Variants in ST7 observed in about 807,000 individuals in gnomAD.
ST7 encodes the protein suppressor of tumorigenicity 7 protein.
A neutral mutation model predicts 78.7 loss-of-function variants in ST7; 28 were observed. The ratio of observed to expected loss-of-function variants is 0.36; its 90% CI spans 0.26 to 0.49. The LOEUF (loss-of-function observed/expected upper bound fraction) is 0.49, where lower values mean the gene tolerates loss of function less well. ST7 is among the 20% of genes least tolerant of loss of function. The probability of loss-of-function intolerance (pLI) is 0.99; values close to 1 mark genes in which losing one functional copy is unlikely to be tolerated. For missense variants in ST7, 418 were observed against 696.0 expected, an observed-to-expected ratio of 0.60 and a Z score of 4.49; for synonymous variants, 247 against 249.6, an observed-to-expected ratio of 0.99 and a Z score of 0.10.
intron 9 of ST7, among the ~76,000 whole-genome samples, chr7:117,148,362 CT>C (rs1457096231): frequency 1.3e-5 from 2 of 152,116 alleles, no homozygotes; most frequent in African/African-American, 4.8e-5. Flanking sequence ...TTATTGTTGT[CT>C]AAATTTTATA....
chr7:117,008,868 A>G (rs971289430), intron 1 of ST7, among the ~76,000 whole-genome samples: 1 of 152,252 alleles, frequency 6.6e-6, no homozygotes, highest in South Asian at 2.1e-4. Flanking sequence ...TGTGAGATTT[A>G]TAAGCTAACT....
chr7:117,028,487 A>T (rs1273562115), intron 1 of ST7, among the ~76,000 whole-genome samples: 1 of 152,070 alleles, frequency 6.6e-6, no homozygotes, highest in Non-Finnish European at 1.5e-5. Flanking sequence ...TTCTTCTAGA[A>T]CACCTAGTTT....
chr7:117,172,623 C>T (rs1299658169), intron 10 of ST7, among the ~76,000 whole-genome samples: 1 of 152,182 alleles, frequency 6.6e-6, no homozygotes, highest in African/African-American at 2.4e-5. Flanking sequence ...AACAGTGGTC[C>T]AAGCTTAGGG....
At chr7:117,229,566 A>G (rs1793659825) in intron 15 of ST7, among the ~76,000 whole-genome samples, 196 bp from the exon 16 acceptor site, 1 of 152,192 alleles carries the variant, frequency 6.6e-6, no homozygotes, top group South Asian at 2.1e-4. Flanking sequence ...CCCCTTATCT[A>G]ACAGTGCTGG....
intron 12 of ST7, among the ~76,000 whole-genome samples, chr7:117,193,524 C>G (rs577942797): frequency 6.6e-4 from 101 of 152,288 alleles, no homozygotes; most frequent in Non-Finnish European, 1.2e-3. Flanking sequence ...GGTCATACAG[C>G]AAATAAATGA....
chr7:117,216,631 G>C (rs2116119393), intron 13 of ST7, among the ~76,000 whole-genome samples: 1 of 152,282 alleles, frequency 6.6e-6, no homozygotes. Flanking sequence ...GGCTTGTGCA[G>C]TGCCTCTACC....
chr7:117,185,850 G>A (rs1217837872), intron 10 of ST7, among the ~76,000 whole-genome samples: 2 of 152,212 alleles, frequency 1.3e-5, no homozygotes, highest in Admixed American at 1.3e-4. Context: ...TTGAACCCAA[G>A]AGGCGGAGGT....
At chr7:117,104,964 T>C (rs1238358672) in intron 2 of ST7, among the ~76,000 whole-genome samples, 1 of 152,170 alleles carries the variant, frequency 6.6e-6, no homozygotes, top group African/African-American at 2.4e-5. Context: ...ATTGGGGTCT[T>C]GGATCCTGGC....
intron 2 of ST7, among the ~76,000 whole-genome samples, chr7:117,113,913 C>T (rs1802636954): frequency 6.6e-6 from 1 of 152,040 alleles, no homozygotes; most frequent in Non-Finnish European, 1.5e-5. Flanking sequence ...GGAGAGTTAC[C>T]CTCCCTTTTA....
At chr7:117,193,321 T>G (rs1216383433) in intron 12 of ST7, among the ~76,000 whole-genome samples, 2 of 152,190 alleles carry the variant, frequency 1.3e-5, no homozygotes, top group Non-Finnish European at 2.9e-5. Flanking sequence ...ACTCTCTCCT[T>G]ATAATGATAC....
chr7:117,199,035 C>G (rs552547648), intron 12 of ST7: 1 of 152,236 alleles, frequency 6.6e-6, no homozygotes, highest in East Asian at 1.9e-4. Flanking sequence ...TCCTCTTCAG[C>G]CTATAAAAAG....
intron 9 of ST7, among the ~76,000 whole-genome samples, chr7:117,155,815 A>G (rs558339475): frequency 4.7e-4 from 72 of 152,342 alleles, no homozygotes; most frequent in African/African-American, 1.6e-3. Flanking sequence ...AAAGTGGCCT[A>G]CAAGGCTGTC....
intron 1 of ST7, among the ~76,000 whole-genome samples, chr7:117,090,236 AAC>A (rs551150596): frequency 6.4e-5 from 9 of 139,636 alleles, no homozygotes; most frequent in Admixed American, 1.5e-4. Flanking sequence ...TAAGGATAGA[AAC>A]ACACACACAC....
At chr7:117,156,698 A>G (rs1001384373) in intron 9 of ST7, among the ~76,000 whole-genome samples, 1 of 152,206 alleles carries the variant, frequency 6.6e-6, no homozygotes, top group African/African-American at 2.4e-5. Context: ...TGGAAAGGCA[A>G]GAGTAAAACC....
chr7:117,149,196 A>AG (rs2117141914), intron 9 of ST7, among the ~76,000 whole-genome samples: 2 of 152,224 alleles, frequency 1.3e-5, no homozygotes, highest in East Asian at 3.9e-4. Context: ...AGGTACACAA[A>AG]CCTGCTTTCT....
intron 1 of ST7, among the ~76,000 whole-genome samples, chr7:116,989,277 A>G (rs1794321263): frequency 1.3e-5 from 2 of 152,222 alleles, no homozygotes. Context: ...CTCAGTAGCC[A>G]TATGTAGCTC....
chr7:117,221,929 A>G lies in ST7; in HGVS notation c.1505A>G (p.His502Arg). Residue 502 changes from histidine to arginine, a missense_variant, in exon 15 of 16, where the codon CAT becomes CGT. Coordinates refer to ENST00000323984, the MANE Select transcript of ST7 (RefSeq NM_001369598.1). The stretch of plus-strand genomic sequence containing the variant: ...CTTTTGGTCTTCTCCACAGCTTTCC[A>G]TGAAGTCTCAGTTTACCCAAAGAAG... Reference protein sequence around the residue: ...TADRELLPSFHEVSVYPKKEL... With the variant: ...TADRELLPSFREVSVYPKKEL... 1 of 1,609,444 alleles carries G rather than the reference A, an allele frequency of 6.2e-7. No individual in the cohort carries two copies. Among genetic ancestry groups the G allele is most frequent in the Non-Finnish European group, 8.5e-7 (1 of 1,178,182 alleles).
intron 1 of ST7, chr7:116,956,899 C>T: frequency 8.9e-6 from 3 of 336,698 alleles, no homozygotes; most frequent in Non-Finnish European, 1.2e-5. Flanking sequence ...GAGAGCTTCT[C>T]TTGAATTGAG....
At position 117,136,440 on chromosome 7, in the gene ST7, A is replaced by G; in HGVS notation, c.865+205A>G. On this transcript the variant is annotated intron_variant, in intron 8 of 15. Transcript: ENST00000323984. ...CAGCTTCATTGCTGTTTATATTCAC[A>G]TTCTCTTTCCTGCCCATAGATTCCT... 7.9e-6 allele frequency: 5 copies of G among 633,430 alleles called. No individual in the cohort carries two copies. The South Asian group carries it at 1.0e-4, about 13-fold the overall frequency. The allele number at this position is 633,430 out of a possible 1,614,324, so 39.2% of individuals were successfully genotyped here. A position where few individuals can be genotyped will look rare whatever the true frequency, so the allele number is the denominator to read the frequency against.
Sources: allele counts gnomAD v4.1 joint callset (sites outside exome capture counted in the v4.1 genomes callset), GRCh38; gene constraint gnomAD v4.1.1; transcripts MANE v1.5; gene names NCBI Gene and HGNC (gene_info 2026-07-23, HGNC 2026-07-21).